Variants in L3MBTL4 observed in about 807,000 individuals in gnomAD.
L3MBTL4 encodes the protein L3MBTL histone methyl-lysine binding protein 4, also known as lethal(3)malignant brain tumor-like protein 4.
In L3MBTL4, 70 loss-of-function variants were observed where a neutral mutation model predicts 84.5. The observed-to-expected ratio is 0.83, with a 90% confidence interval of 0.68 to 1.01. The LOEUF is 1.01. L3MBTL4 is among the 50% of genes least tolerant of loss of function. L3MBTL4 has a pLI of 0.00. For missense variants in L3MBTL4, 715 were observed against 754.8 expected (o/e 0.95, Z 0.62); for synonymous variants, 274 against 259.8 (o/e 1.05, Z -0.52).
At chr18:6,228,750 T>C (rs1176334500) in intron 10 of L3MBTL4, among the ~76,000 whole-genome samples, 1 of 152,052 alleles carries the variant, frequency 6.6e-6, no homozygotes, top group Non-Finnish European at 1.5e-5. Flanking sequence ...TGTCCCATCA[T>C]GGAGATGCGG....
At chr18:5,958,352 A>T (rs1057144030) in intron 18 of L3MBTL4, among the ~76,000 whole-genome samples, 3 of 152,182 alleles carry the variant, frequency 2.0e-5, no homozygotes, top group Admixed American at 6.5e-5. Context: ...AGGAGGAAAC[A>T]CTTTTTCCCT....
chr18:6,175,882 T>C lies in L3MBTL4; in HGVS notation c.982-3940A>G, dbSNP rs117121985. Among the ~76,000 whole-genome samples, 698 of 152,086 alleles carry C rather than the reference T, an allele frequency of 4.6e-3. 2 individuals carry two copies. The highest frequency in any genetic ancestry group is 8.6e-3 in the Non-Finnish European group (584 of 67,966). Reference sequence around the variant, plus strand: ...ATGAAACTTGCAAAATAAGTCAACATAAAACAATCAATTCTATTAATATAT... The same window carrying C: ...ATGAAACTTGCAAAATAAGTCAACACAAAACAATCAATTCTATTAATATAT... On this transcript the variant is annotated intron_variant, in intron 12 of 18. Coordinates refer to ENST00000317931, the MANE Select transcript of L3MBTL4 (RefSeq NM_001330559.2).
intron 11 of L3MBTL4, among the ~76,000 whole-genome samples, 174 bp downstream of exon 11, chr18:6,215,576 T>C (rs984718589): frequency 2.0e-5 from 3 of 152,192 alleles, no homozygotes; most frequent in Admixed American, 6.5e-5. Flanking sequence ...ATGGGAACAA[T>C]AGCAGATGAG....
intron 16 of L3MBTL4, among the ~76,000 whole-genome samples, chr18:6,011,555 C>T (rs768758535): frequency 3.3e-5 from 5 of 152,170 alleles, no homozygotes; most frequent in Non-Finnish European, 7.3e-5. Flanking sequence ...TTCCTGGAAA[C>T]TAAGGCTTTT....
At chr18:6,240,232 T>C (rs1307434338) in intron 8 of L3MBTL4, among the ~76,000 whole-genome samples, 2 of 152,108 alleles carry the variant, frequency 1.3e-5, no homozygotes, top group East Asian at 3.8e-4. Context: ...CTGCTTCCCA[T>C]AGGCTTTTGA....
At chr18:6,123,924 A>T (rs1259213210) in intron 14 of L3MBTL4, among the ~76,000 whole-genome samples, 1 of 152,258 alleles carries the variant, frequency 6.6e-6, no homozygotes, top group East Asian at 1.9e-4. Flanking sequence ...TGTTGGGATC[A>T]ACGAGTGTGT....
At chr18:6,051,408 G>A (rs760674201) in intron 16 of L3MBTL4, among the ~76,000 whole-genome samples, 9 of 152,142 alleles carry the variant, frequency 5.9e-5, no homozygotes, top group African/African-American at 2.2e-4. Flanking sequence ...GCATGATGGC[G>A]CATGCCTGTA....
At chr18:6,183,221 C>T (rs951203146) in intron 12 of L3MBTL4, among the ~76,000 whole-genome samples, 32 of 152,172 alleles carry the variant, frequency 2.1e-4, no homozygotes, top group Non-Finnish European at 2.5e-4. Flanking sequence ...TGGGGCTCTG[C>T]GACTACATGT....
At chr18:6,188,697 T>C (rs571313941) in intron 12 of L3MBTL4, among the ~76,000 whole-genome samples, 3 of 152,188 alleles carry the variant, frequency 2.0e-5, no homozygotes, top group South Asian at 2.1e-4. Context: ...TCAGAAGCCA[T>C]AGGGGCTGGC....
At chr18:6,398,205 T>C (rs1484641288) in intron 1 of L3MBTL4, among the ~76,000 whole-genome samples, 1 of 152,192 alleles carries the variant, frequency 6.6e-6, no homozygotes, top group Non-Finnish European at 1.5e-5. Flanking sequence ...TTGGCAACTC[T>C]CTATAAGCTC....
intron 17 of L3MBTL4, among the ~76,000 whole-genome samples, chr18:5,960,408 A>G (rs1305133356): frequency 6.6e-6 from 1 of 152,162 alleles, no homozygotes; most frequent in Non-Finnish European, 1.5e-5. Context: ...TAGCCTCCAT[A>G]TGTGAAGCTC....
intron 4 of L3MBTL4, among the ~76,000 whole-genome samples, chr18:6,271,315 T>A (rs556931028): frequency 9.8e-5 from 15 of 152,340 alleles, no homozygotes; most frequent in African/African-American, 3.4e-4. Flanking sequence ...TTCCACATTG[T>A]ATTTATAAAT....
At chr18:6,107,046 G>C (rs2059032215) in intron 14 of L3MBTL4, among the ~76,000 whole-genome samples, 1 of 152,088 alleles carries the variant, frequency 6.6e-6, no homozygotes, top group Admixed American at 6.6e-5. Context: ...ATAACAATAG[G>C]CATATATACT....
chr18:6,120,822 T>C (rs905075840), intron 14 of L3MBTL4, among the ~76,000 whole-genome samples: 1 of 152,222 alleles, frequency 6.6e-6, no homozygotes, highest in Non-Finnish European at 1.5e-5. Context: ...CTCAATGCAG[T>C]ACAGCATCCC....
chr18:6,152,131 C>T (rs2042923920), intron 13 of L3MBTL4, among the ~76,000 whole-genome samples: 1 of 152,178 alleles, frequency 6.6e-6, no homozygotes, highest in South Asian at 2.1e-4. Context: ...CATTCATCCA[C>T]TGATGGGCAA....
At chr18:6,360,572 G>A (rs899550524) in intron 1 of L3MBTL4, among the ~76,000 whole-genome samples, 3 of 152,102 alleles carry the variant, frequency 2.0e-5, no homozygotes, top group African/African-American at 7.2e-5. Context: ...GGTTGAGCAG[G>A]AAGAATGAAG....
chr18:6,081,639 T>C (rs948616463), intron 15 of L3MBTL4, among the ~76,000 whole-genome samples: 1 of 152,240 alleles, frequency 6.6e-6, no homozygotes, highest in Non-Finnish European at 1.5e-5. Context: ...GCACATGTAT[T>C]TTCTTACTGT....
intron 15 of L3MBTL4, among the ~76,000 whole-genome samples, chr18:6,089,791 G>C (rs2058381002): frequency 6.6e-6 from 1 of 152,162 alleles, no homozygotes; most frequent in Admixed American, 6.5e-5. Context: ...ATTAATAGTA[G>C]ATAGTTATTA....
intron 16 of L3MBTL4, among the ~76,000 whole-genome samples, chr18:6,077,112 C>G (rs1488748125): frequency 6.6e-6 from 1 of 152,174 alleles, no homozygotes; most frequent in Non-Finnish European, 1.5e-5. Flanking sequence ...CAGCTCCGTC[C>G]TGGAGAAGGG....
Sources: allele counts gnomAD v4.1 joint callset (sites outside exome capture counted in the v4.1 genomes callset), GRCh38; gene constraint gnomAD v4.1.1; transcripts MANE v1.5; gene names NCBI Gene and HGNC (gene_info 2026-07-23, HGNC 2026-07-21).